BRD9: variants seen among roughly 807,000 people sequenced by gnomAD.
BRD9 encodes bromodomain containing 9, also known as bromodomain-containing protein 9.
BRD9 carries 47 observed loss-of-function variants against 68.7 expected under a neutral mutation model. The ratio of observed to expected loss-of-function variants is 0.68; its 90% CI spans 0.54 to 0.87. The LOEUF is 0.87. BRD9 is among the 40% of genes least tolerant of loss of function. BRD9 has a pLI of 0.00. For synonymous variants in BRD9, 313 were observed against 293.9 expected (o/e 1.06, Z -0.67); for missense variants, 670 against 748.4 (o/e 0.90, Z 1.22).
intron 5 of BRD9, 100 bp from the exon 6 acceptor site, chr5:887,571 C>A (rs1024524610): frequency 2.2e-6 from 2 of 906,048 alleles, no homozygotes; most frequent in Non-Finnish European, 3.5e-6. Flanking sequence ...AAGCTACAAT[C>A]GAGTAGAAAA....
Position 873,203 on chromosome 5 carries a change from C to T in BRD9, c.1384-1639G>A, listed in dbSNP as rs543227554. Among the ~76,000 whole-genome samples, 3 of 152,224 alleles carry T rather than the reference C, an allele frequency of 2.0e-5. No homozygotes were observed. The East Asian group carries it at 5.8e-4, about 29-fold the overall frequency. On this transcript the variant is annotated intron_variant, in intron 12 of 15. Transcript: ENST00000467963. ...AAAAGAAAGAAAGTAAAGATAACAT[C>T]TTAATGTATATCCCTGAGTTGTCTT...
intron 8 of BRD9, chr5:881,384 T>C: frequency 1.7e-6 from 1 of 604,498 alleles, no homozygotes; most frequent in Non-Finnish European, 2.9e-6. Context: ...GGAGAACCTC[T>C]TAGGCTCCCC....
At position 864,506 on chromosome 5, in the gene BRD9, G is replaced by A; in HGVS notation, c.1756C>T (p.Leu586Phe). 1.9e-6 allele frequency: 3 copies of A among 1,614,040 alleles called. No homozygotes were observed. The highest frequency in any genetic ancestry group is 2.5e-6 in the Non-Finnish European group (3 of 1,179,928). Residue 586 changes from leucine to phenylalanine, a missense_variant, in exon 16 of 16, where the codon CTT becomes TTT. Coordinates refer to ENST00000467963, the MANE Select transcript of BRD9 (RefSeq NM_023924.5). ...PDVTHDPYEFLQSPEPAASAK... is the reference protein window; with the variant it reads ...PDVTHDPYEFFQSPEPAASAK... ...GAGGCCGCAGGCTCTGGAGACTGAA[G>A]AAACTCATAGGGGTCGTGGGTGACG...
Position 892,756 on chromosome 5 carries a change from G to T in BRD9, c.-99C>A. ...CCCCTGGCCCTGGCTGGCCGCCCGC[G>T]CTCGCTGCGCCGAGGTTGCCGAGCT... On this transcript the variant is annotated 5_prime_UTR_variant, in exon 1 of 16. Coordinates refer to ENST00000467963, the MANE Select transcript of BRD9 (RefSeq NM_023924.5). 1 of 1,163,068 alleles carries T rather than the reference G, an allele frequency of 8.6e-7. No individual in the cohort carries two copies. Among genetic ancestry groups the T allele is most frequent in the Non-Finnish European group, 1.1e-6 (1 of 926,392 alleles). The allele number at this position is 1,163,068 out of a possible 1,614,324, so 72.0% of individuals were successfully genotyped here.
chr5:865,665 A>T (rs1166759015), intron 14 of BRD9, 84 bp from the exon 15 acceptor site: 1 of 1,409,348 alleles, frequency 7.1e-7, no homozygotes, highest in African/African-American at 1.4e-5. Flanking sequence ...GCCCATCCAG[A>T]CAGGCCTCTC....
chr5:886,958 T>C, intron 6 of BRD9: 1 of 576,224 alleles, frequency 1.7e-6, no homozygotes, highest in Non-Finnish European at 3.0e-6. Context: ...GCACCTCCCC[T>C]TTACCTTCTC....
rs1252937818 is a variant in BRD9, at chr5:865,309, G to A, written c.1693+105C>T. The stretch of plus-strand genomic sequence containing the variant: ...CCACAACAGCACCGCTGCCCATGCA[G>A]CCTCCAGCCTTCCCACAACTACAAT... On this transcript the variant is annotated intron_variant, in intron 15 of 15. Transcript: ENST00000467963. 3 of 1,399,114 alleles carry A rather than the reference G, an allele frequency of 2.1e-6. No individual in the cohort carries two copies. The African/African-American group carries it at 4.4e-5, about 20-fold the overall frequency. 86.7% of individuals were successfully genotyped at this position (1,399,114 alleles called of 1,614,324 possible). A position where few individuals can be genotyped will look rare whatever the true frequency, so the allele number is the denominator to read the frequency against.
chr5:882,525 G>A (rs936118918), intron 8 of BRD9: 64 of 136,202 alleles, frequency 4.7e-4, no homozygotes, highest in Middle Eastern at 5.6e-3. Context: ...CCCCCAACAC[G>A]CAAGCCACAA....
Position 891,258 on chromosome 5 carries a change from C to T in BRD9, c.297G>A (p.Glu99=), listed in dbSNP as rs145977202. 1.0e-5 allele frequency: 16 copies of T among 1,551,784 alleles called. No homozygotes were observed. In the East Asian group the frequency reaches 3.7e-4, roughly 36 times the overall value. ...KEEKKRKRER[E]HCDTEGEADD... The stretch of plus-strand genomic sequence containing the variant: ...CAGCCTCTCCCTCCGTGTCACAGTG[C>T]TCCCTCTCTCGCTTCCGCTTCTTCT... The change falls in exon 3 of 16, where the codon GAG becomes GAA. Residue 99 remains glutamate, a synonymous_variant. Transcript: ENST00000467963.
rs751055462 is a variant in BRD9, at chr5:881,212, C to T, written c.967-30G>A. ...AAGGAAGCACTGCCTGAGCGTCTGT[C>T]CCTCAGGAGGGGCAGCGCAGCACAA... is the stretch of plus-strand genomic sequence containing the variant. On this transcript the variant is annotated intron_variant, in intron 8 of 15. Transcript: ENST00000467963. 3.1e-6 allele frequency: 5 copies of T among 1,606,584 alleles called. No homozygotes were observed. In the African/African-American group the frequency reaches 6.7e-5, roughly 21 times the overall value.
intron 3 of BRD9, 76 bp from the exon 4 acceptor site, chr5:889,723 T>C (rs1278547117): frequency 6.3e-7 from 1 of 1,587,036 alleles, no homozygotes; most frequent in African/African-American, 1.3e-5. Context: ...GTTCACAGTA[T>C]CTGTCTGTCT....
intron 1 of BRD9, chr5:892,321 C>T: frequency 4.7e-6 from 3 of 641,908 alleles, no homozygotes; most frequent in Non-Finnish European, 4.9e-6. Context: ...CTGAGCTCCA[C>T]ACAAAAGCCA....
At chr5:870,172 T>C (rs998852431) in intron 14 of BRD9, 5 of 294,162 alleles carry the variant, frequency 1.7e-5, no homozygotes, top group Middle Eastern at 1.1e-3. Flanking sequence ...TGGGATTTCA[T>C]GGAGGCGGTA....
intron 7 of BRD9, among the ~76,000 whole-genome samples, chr5:884,799 A>G (rs552064751): frequency 1.2e-4 from 18 of 152,374 alleles, no homozygotes; most frequent in Admixed American, 1.1e-3. Context: ...AACCCTACAC[A>G]GGAGTCACAG....
intron 8 of BRD9, chr5:882,534 A>C (rs1157863289): frequency 6.3e-6 from 1 of 158,878 alleles, no homozygotes; most frequent in Non-Finnish European, 1.4e-5. Context: ...CGCAAGCCAC[A>C]AAAACCACAA....
Position 892,500 on chromosome 5 carries a change from G to A in BRD9, c.52+106C>T, listed in dbSNP as rs1432750687. On this transcript the variant is annotated intron_variant, in intron 1 of 15. Coordinates refer to ENST00000467963, the MANE Select transcript of BRD9 (RefSeq NM_023924.5). ...CGCGTGCCCAGAACCCCTCCCTCGT[G>A]GCCAGGACCTCGCCCGGTGCCCAGG... 6 of 1,477,156 alleles carry A rather than the reference G, an allele frequency of 4.1e-6. No individual in the cohort carries two copies. The African/African-American group carries it at 7.2e-5, about 18-fold the overall frequency. The allele number at this position is 1,477,156 out of a possible 1,614,324, so 91.5% of individuals were successfully genotyped here.
intron 14 of BRD9, among the ~76,000 whole-genome samples, chr5:867,254 G>A (rs1164988088): frequency 1.3e-5 from 2 of 152,254 alleles, no homozygotes; most frequent in African/African-American, 4.8e-5. Flanking sequence ...AGATTTCAGA[G>A]GATGTATGGA....
intron 14 of BRD9, chr5:869,249 T>C (rs759597852): frequency 4.9e-5 from 22 of 453,168 alleles, no homozygotes; most frequent in South Asian, 3.4e-4. Context: ...ACTTGCCTCA[T>C]TATCCCCTCT....
intron 12 of BRD9, 79 bp from the exon 13 acceptor site, chr5:871,643 A>G: frequency 1.5e-6 from 2 of 1,344,540 alleles, no homozygotes; most frequent in Non-Finnish European, 2.1e-6. Context: ...CATTACACAC[A>G]CGTAAAAATG....
Sources: allele counts gnomAD v4.1 joint callset (sites outside exome capture counted in the v4.1 genomes callset), GRCh38; gene constraint gnomAD v4.1.1; transcripts MANE v1.5; gene names NCBI Gene and HGNC (gene_info 2026-07-23, HGNC 2026-07-21).